The following SEMA6D variants were observed in gnomAD, a reference collection of about 807,000 sequenced individuals.
SEMA6D encodes the protein semaphorin 6D.
In SEMA6D, 35 loss-of-function variants were observed where a neutral mutation model predicts 106.6. The observed-to-expected ratio is 0.33, with a 90% CI of 0.25 to 0.44. SEMA6D has a LOEUF of 0.44. Among genes scored for constraint, SEMA6D ranks in the 20% least tolerant of loss-of-function variants. The probability of loss-of-function intolerance (pLI) is 1.00; values close to 1 mark genes in which losing one functional copy is unlikely to be tolerated. For synonymous variants in SEMA6D, 499 were observed against 487.7 expected (o/e 1.02, Z -0.31); for missense variants, 1,185 against 1,345.9 (o/e 0.88, Z 1.87).
chr15:47,326,922 T>C (rs995926011), intron 1 of SEMA6D, among the ~76,000 whole-genome samples: 3 of 152,174 alleles, frequency 2.0e-5, no homozygotes, highest in Non-Finnish European at 2.9e-5. Flanking sequence ...TCTGGACCTA[T>C]ACTGTGGACA....
chr15:47,607,310 A>G (rs537594036), intron 4 of SEMA6D, among the ~76,000 whole-genome samples: 266 of 152,326 alleles, frequency 1.7e-3, no homozygotes, highest in African/African-American at 6.2e-3. Flanking sequence ...ATCACAGATC[A>G]TATAACTAAC....
At chr15:47,514,020 A>G (rs1321901754) in intron 3 of SEMA6D, among the ~76,000 whole-genome samples, 2 of 152,212 alleles carry the variant, frequency 1.3e-5, no homozygotes, top group East Asian at 3.8e-4. Context: ...AGAGGGTGGA[A>G]AACTGTACCT....
chr15:47,235,882 G>A (rs1011425303), intron 1 of SEMA6D, among the ~76,000 whole-genome samples: 5 of 152,018 alleles, frequency 3.3e-5, no homozygotes, highest in Non-Finnish European at 7.4e-5. Context: ...GGCCTTTTGA[G>A]TGGATCTTCC....
intron 3 of SEMA6D, among the ~76,000 whole-genome samples, chr15:47,589,006 A>AC (rs962528718): frequency 1.3e-5 from 2 of 152,094 alleles, no homozygotes; most frequent in African/African-American, 2.4e-5. Context: ...CACAGAACAG[A>AC]CCCCCAACAA....
chr15:47,332,034 T>G (rs2037363108), intron 1 of SEMA6D, among the ~76,000 whole-genome samples: 1 of 152,162 alleles, frequency 6.6e-6, no homozygotes, highest in Non-Finnish European at 1.5e-5. Context: ...CTTTGTCTCT[T>G]TATTATTATT....
At chr15:47,756,822 C>A (rs150096557) in intron 1 of SEMA6D, among the ~76,000 whole-genome samples, 495 of 152,170 alleles carry the variant, frequency 3.3e-3, no homozygotes, top group African/African-American at 0.012. Context: ...ATTCTTCCCT[C>A]CCCCACCCAG....
chr15:47,209,704 C>T (rs538209252), intron 1 of SEMA6D, among the ~76,000 whole-genome samples: 12 of 152,282 alleles, frequency 7.9e-5, no homozygotes, highest in African/African-American at 2.9e-4. Flanking sequence ...GTCCCCGTCG[C>T]CTCTCCAGGT....
intron 3 of SEMA6D, among the ~76,000 whole-genome samples, chr15:47,472,071 G>T (rs1363120079): frequency 6.6e-6 from 1 of 152,022 alleles, no homozygotes; most frequent in Non-Finnish European, 1.5e-5. Flanking sequence ...GGAAAGCAAG[G>T]TTAAGTGAGA....
intron 3 of SEMA6D, among the ~76,000 whole-genome samples, chr15:47,575,997 C>G (rs1364461519): frequency 6.6e-6 from 1 of 151,994 alleles, no homozygotes; most frequent in Non-Finnish European, 1.5e-5. Context: ...CTAGATTTAC[C>G]CAAATGAGAC....
At chr15:47,501,632 G>A (rs2043850672) in intron 3 of SEMA6D, among the ~76,000 whole-genome samples, 1 of 152,192 alleles carries the variant, frequency 6.6e-6, no homozygotes, top group Admixed American at 6.5e-5. Flanking sequence ...AGATGAGGAT[G>A]TCAGCAGAGG....
At chr15:47,470,305 A>G (rs1189234239) in intron 2 of SEMA6D, among the ~76,000 whole-genome samples, 1 of 152,118 alleles carries the variant, frequency 6.6e-6, no homozygotes, top group East Asian at 1.9e-4. Context: ...TAAGTTTTGC[A>G]TGGAGAAATC....
At chr15:47,750,816 C>T (rs750559527) in intron 1 of SEMA6D, among the ~76,000 whole-genome samples, 4 of 152,154 alleles carry the variant, frequency 2.6e-5, no homozygotes, top group African/African-American at 2.4e-5. Flanking sequence ...TGGCCCACAG[C>T]GAGAGAGGAT....
At chr15:47,695,280 G>T (rs2078674775) in intron 4 of SEMA6D, among the ~76,000 whole-genome samples, 1 of 152,164 alleles carries the variant, frequency 6.6e-6, no homozygotes, top group Non-Finnish European at 1.5e-5. Context: ...TAAGAATCTT[G>T]CTAGAATAGC....
chr15:47,410,132 G>A (rs550047924), intron 1 of SEMA6D, among the ~76,000 whole-genome samples: 259 of 149,306 alleles, frequency 1.7e-3, no homozygotes, highest in Non-Finnish European at 3.2e-3. Flanking sequence ...GTGCCACCAC[G>A]CCCAGCTAAT....
chr15:47,217,792 A>C (rs1279185807), intron 1 of SEMA6D, among the ~76,000 whole-genome samples: 6 of 151,406 alleles, frequency 4.0e-5, no homozygotes, highest in Non-Finnish European at 5.9e-5. Flanking sequence ...TGTTGTGCAT[A>C]TGTGTATATG....
Position 47,757,781 on chromosome 15 carries a change from C to G in SEMA6D, c.-54-1964C>G, listed in dbSNP as rs138589312. ...TATTTTAGGATATCTTTTCCCCAGG[C>G]CCTTATGAGACTCTTAAAGTCAATC... On this transcript the variant is annotated intron_variant, in intron 1 of 18. Coordinates refer to ENST00000536845, the MANE Select transcript of SEMA6D (RefSeq NM_001358351.3). Among the ~76,000 whole-genome samples the G allele has an allele frequency of 7.2e-5, 11 of 152,228 alleles. No individual in the cohort carries two copies. In the East Asian group the frequency reaches 2.1e-3, roughly 29 times the overall value.
chr15:47,572,359 T>G (rs894915558), intron 3 of SEMA6D, among the ~76,000 whole-genome samples: 11 of 152,262 alleles, frequency 7.2e-5, no homozygotes, highest in African/African-American at 2.7e-4. Context: ...AATTGGCTAT[T>G]GTAATATAAC....
intron 1 of SEMA6D, among the ~76,000 whole-genome samples, chr15:47,355,562 G>A (rs1039412813): frequency 6.6e-6 from 1 of 152,188 alleles, no homozygotes; most frequent in African/African-American, 2.4e-5. Flanking sequence ...TACCATCGTA[G>A]TCTTTCTAGA....
At chr15:47,448,785 C>T (rs1647165423) in intron 2 of SEMA6D, among the ~76,000 whole-genome samples, 1 of 152,076 alleles carries the variant, frequency 6.6e-6, no homozygotes, top group African/African-American at 2.4e-5. Flanking sequence ...TGAACATCTT[C>T]TTCCAATGAG....
Sources: gnomAD v4.1 joint callset for allele counts (sites outside exome capture counted in the v4.1 genomes callset) on GRCh38, gnomAD v4.1.1 for gene constraint, MANE v1.5 for transcripts, NCBI Gene and HGNC (gene_info 2026-07-23, HGNC 2026-07-21) for gene names.